Variants in PGCKA1 observed in about 807,000 individuals in gnomAD.
PGCKA1 encodes PDCD10 and GCKIII kinases associated 1.
At chr4:37,555,130 CATCCAG>C in the PGCKA1 span, among the ~76,000 whole-genome samples, 1 of 152,208 alleles carries the variant, frequency 6.6e-6, no homozygotes, top group Non-Finnish European at 1.5e-5. Context: ...CAAATTGCCA[CATCCAG>C]TTGGTTTCCT....
At chr4:37,571,091 A>G in the PGCKA1 span, among the ~76,000 whole-genome samples, 1 of 152,200 alleles carries the variant, frequency 6.6e-6, no homozygotes. Flanking sequence ...CATACAAGCT[A>G]GATGCTGGTT....
the PGCKA1 span, among the ~76,000 whole-genome samples, chr4:37,569,844 C>T: frequency 2.0e-5 from 3 of 152,162 alleles, no homozygotes; most frequent in African/African-American, 7.2e-5. Context: ...AACCCATGAG[C>T]ACTTCCCTGC....
chr4:37,589,605 G>A, the PGCKA1 span, among the ~76,000 whole-genome samples: 1 of 151,758 alleles, frequency 6.6e-6, no homozygotes, highest in Non-Finnish European at 1.5e-5. Context: ...CCTCCTTTTG[G>A]CTCTCTTCTT....
chr4:37,499,293 G>C, the PGCKA1 span, among the ~76,000 whole-genome samples: 4 of 151,668 alleles, frequency 2.6e-5, no homozygotes, highest in African/African-American at 9.7e-5. Context: ...TTTTTTTGTT[G>C]AGCCTCTGCC....
At chr4:37,479,329 T>C in the PGCKA1 span, among the ~76,000 whole-genome samples, 2 of 152,230 alleles carry the variant, frequency 1.3e-5, no homozygotes, top group African/African-American at 4.8e-5. Flanking sequence ...TACATGTTCC[T>C]AAGGACCCAA....
At chr4:37,571,550 T>G in the PGCKA1 span, among the ~76,000 whole-genome samples, 1 of 132,172 alleles carries the variant, frequency 7.6e-6, no homozygotes, top group Non-Finnish European at 1.7e-5. Context: ...TTTATTTTTA[T>G]TTTTTGAGAC....
At chr4:37,564,538 C>T in the PGCKA1 span, among the ~76,000 whole-genome samples, 1 of 151,954 alleles carries the variant, frequency 6.6e-6, no homozygotes, top group Non-Finnish European at 1.5e-5. Context: ...TGGAGTCTCA[C>T]TCTTACTGCC....
the PGCKA1 span, among the ~76,000 whole-genome samples, chr4:37,514,303 A>C: frequency 6.6e-6 from 1 of 152,204 alleles, no homozygotes; most frequent in Admixed American, 6.5e-5. Flanking sequence ...CCACCTCTTA[A>C]TACTGTTACA....
chr4:37,456,178 T>G, the PGCKA1 span, among the ~76,000 whole-genome samples: 1 of 147,496 alleles, frequency 6.8e-6, no homozygotes, highest in African/African-American at 2.5e-5. Flanking sequence ...GAAGCCGACT[T>G]GGAGTCTTCA....
chr4:37,560,988 G>A, the PGCKA1 span, among the ~76,000 whole-genome samples: 1 of 152,022 alleles, frequency 6.6e-6, no homozygotes, highest in Admixed American at 6.6e-5. Context: ...CTCCCTAAGA[G>A]TTCTCTCTCC....
the PGCKA1 span, among the ~76,000 whole-genome samples, chr4:37,509,719 G>A: frequency 4.0e-5 from 6 of 151,256 alleles, no homozygotes; most frequent in African/African-American, 9.7e-5. Context: ...CCAGCACTTC[G>A]CGAGGCCGAG....
chr4:37,551,677 G>A, the PGCKA1 span, among the ~76,000 whole-genome samples: 1 of 152,196 alleles, frequency 6.6e-6, no homozygotes, highest in Non-Finnish European at 1.5e-5. Context: ...TGGCACATGT[G>A]CCCGTAAAAG....
the PGCKA1 span, among the ~76,000 whole-genome samples, chr4:37,489,934 T>G: frequency 6.6e-6 from 1 of 152,154 alleles, no homozygotes; most frequent in African/African-American, 2.4e-5. Context: ...TTTGACCTTC[T>G]GAGATTGACT....
the PGCKA1 span, among the ~76,000 whole-genome samples, chr4:37,564,557 A>T: frequency 6.6e-6 from 1 of 151,966 alleles, no homozygotes; most frequent in Admixed American, 6.6e-5. Context: ...CCCAGGCTGC[A>T]GTGCAGTGGC....
chr4:37,593,067 C>T, the PGCKA1 span, among the ~76,000 whole-genome samples: 1 of 152,210 alleles, frequency 6.6e-6, no homozygotes, highest in Admixed American at 6.5e-5. Context: ...CCTCTATATA[C>T]AGGGTCACTC....
chr4:37,540,412 C>T, the PGCKA1 span, among the ~76,000 whole-genome samples: 1 of 152,242 alleles, frequency 6.6e-6, no homozygotes, highest in South Asian at 2.1e-4. Flanking sequence ...TAACGTTAAT[C>T]GATAAATGAG....
chr4:37,521,444 A>C, the PGCKA1 span, among the ~76,000 whole-genome samples: 1 of 152,156 alleles, frequency 6.6e-6, no homozygotes, highest in Non-Finnish European at 1.5e-5. Context: ...TCATTGACCC[A>C]CTAGTCATTC....
the PGCKA1 span, among the ~76,000 whole-genome samples, chr4:37,484,235 C>T: frequency 0.019 from 2,871 of 152,154 alleles, 118 homozygotes; most frequent in African/African-American, 0.066. Context: ...ATGGACTCAC[C>T]GTTCCACATG....
chr4:37,487,275 G>A, the PGCKA1 span, among the ~76,000 whole-genome samples: 1 of 152,092 alleles, frequency 6.6e-6, no homozygotes, highest in African/African-American at 2.4e-5. Context: ...TGAAAGAATT[G>A]TACATGAACT....
Sources: gnomAD v4.1 joint callset for allele counts (sites outside exome capture counted in the v4.1 genomes callset) on GRCh38, gnomAD v4.1.1 for gene constraint, MANE v1.5 for transcripts, NCBI Gene and HGNC (gene_info 2026-07-23, HGNC 2026-07-21) for gene names.